C6orf52: variants seen among roughly 807,000 people sequenced by gnomAD.
The protein encoded by C6orf52 is chromosome 6 open reading frame 52.
In C6orf52, 16 loss-of-function variants were observed where a neutral mutation model predicts 16.6. The ratio of observed to expected loss-of-function variants is 0.96; its 90% CI spans 0.65 to 1.46. C6orf52 has a LOEUF of 1.46. C6orf52 is among the 40% of genes most tolerant of loss of function. The pLI is 0.00. For synonymous variants in C6orf52, 53 were observed against 61.4 expected (o/e 0.86, Z 0.64); for missense variants, 166 against 182.3 (o/e 0.91, Z 0.52).
At chr6:10,687,406 G>C (rs1322196860) in intron 2 of C6orf52, 74 bp downstream of exon 2, 2 of 1,118,124 alleles carry the variant, frequency 1.8e-6, no homozygotes, top group Non-Finnish European at 2.6e-6. Context: ...GCCATAGTTT[G>C]TAAGTTACCA....
chr6:10,671,662 T>A, intron 4 of C6orf52, 64 bp from the exon 5 acceptor site: 3 of 1,118,154 alleles, frequency 2.7e-6, no homozygotes, highest in Non-Finnish European at 3.7e-6. Flanking sequence ...TAGAAATAGT[T>A]TAAAATTAGA....
intron 4 of C6orf52, chr6:10,674,881 C>A: frequency 6.6e-6 from 1 of 151,236 alleles, no homozygotes; most frequent in Non-Finnish European, 1.5e-5. Context: ...GCGATCTCAG[C>A]TGACTGCAAC....
At chr6:10,672,887 CT>C (rs1174969747) in intron 4 of C6orf52, among the ~76,000 whole-genome samples, 1 of 152,104 alleles carries the variant, frequency 6.6e-6, no homozygotes, top group Non-Finnish European at 1.5e-5. Context: ...TACAGTAGCC[CT>C]AGAAGACTAA....
At chr6:10,680,298 T>A (rs185123973) in intron 4 of C6orf52, among the ~76,000 whole-genome samples, 10 of 151,614 alleles carry the variant, frequency 6.6e-5, no homozygotes, top group Non-Finnish European at 1.5e-4. Flanking sequence ...ATTCTGTTGA[T>A]GGGATAATGG....
At chr6:10,692,334 T>C (rs1399953943) in intron 1 of C6orf52, among the ~76,000 whole-genome samples, 2 of 152,330 alleles carry the variant, frequency 1.3e-5, no homozygotes, top group South Asian at 2.1e-4. Flanking sequence ...CCTCTAATCT[T>C]AGTGGTTCTC....
chr6:10,672,671 G>A (rs1767536962), intron 4 of C6orf52: 1 of 669,448 alleles, frequency 1.5e-6, no homozygotes. Context: ...TTTAAAAAAA[G>A]AGCAGAGAAC....
chr6:10,687,208 A>C (rs764550736), intron 2 of C6orf52, 44 bp from the exon 3 acceptor site: 52 of 1,342,408 alleles, frequency 3.9e-5, no homozygotes, highest in Non-Finnish European at 5.0e-5. Flanking sequence ...AATCATCCAC[A>C]AACCCCCAAA....
At position 10,694,600 on chromosome 6, in the gene C6orf52, GCAACCGGC is replaced by G; in HGVS notation, c.-126_-119del. 1 of 173,900 alleles carries G rather than the reference GCAACCGGC, an allele frequency of 5.8e-6. No individual in the cohort carries two copies. Among genetic ancestry groups the G allele is most frequent in the East Asian group, 1.6e-4 (1 of 6,206 alleles). The allele number at this position is 173,900 out of a possible 1,614,324, so 10.8% of individuals were successfully genotyped here. On this transcript the variant is annotated 5_prime_UTR_variant, in exon 1 of 5. Coordinates refer to ENST00000259983, the MANE Select transcript of C6orf52 (RefSeq NM_001145020.3). ...ACGCTGCCGGCGCTACAGCCCCTAA[GCAACCGGC>G]CGGAAGTCGGCCCCACCTCCTCCTG... is the stretch of plus-strand genomic sequence containing the variant.
intron 1 of C6orf52, among the ~76,000 whole-genome samples, chr6:10,691,833 G>T (rs1442370990): frequency 1.3e-5 from 2 of 151,850 alleles, no homozygotes; most frequent in African/African-American, 4.8e-5. Context: ...TAAGTTTTGG[G>T]GTTTTTTTTT....
At chr6:10,678,302 TTG>T (rs749583047) in intron 4 of C6orf52, among the ~76,000 whole-genome samples, 2 of 152,210 alleles carry the variant, frequency 1.3e-5, no homozygotes, top group Non-Finnish European at 2.9e-5. Flanking sequence ...GAGATATCTT[TTG>T]TGTCTTCAGT....
chr6:10,673,340 A>G (rs1767590378), intron 4 of C6orf52, among the ~76,000 whole-genome samples: 1 of 152,234 alleles, frequency 6.6e-6, no homozygotes, highest in South Asian at 2.1e-4. Flanking sequence ...AGTGATGTTG[A>G]TCAAAACTAT....
At chr6:10,680,558 G>A (rs533650191) in intron 4 of C6orf52, among the ~76,000 whole-genome samples, 5 of 152,090 alleles carry the variant, frequency 3.3e-5, no homozygotes, top group African/African-American at 1.2e-4. Flanking sequence ...TTTCGTCTTC[G>A]ATTTTTTGGA....
chr6:10,694,730 G>A (rs538446324), upstream of C6orf52: 5 of 385,394 alleles, frequency 1.3e-5, no homozygotes, highest in South Asian at 1.4e-4. Context: ...GCTTGCCCCC[G>A]ATTTTTTTCT....
At chr6:10,672,168 G>C (rs1306452215) in intron 4 of C6orf52, among the ~76,000 whole-genome samples, 1 of 152,196 alleles carries the variant, frequency 6.6e-6, no homozygotes, top group Non-Finnish European at 1.5e-5. Flanking sequence ...TTCTGCCCAA[G>C]TTGTCAGGTT....
At chr6:10,677,881 G>T (rs1198790987) in intron 4 of C6orf52, among the ~76,000 whole-genome samples, 1 of 151,800 alleles carries the variant, frequency 6.6e-6, no homozygotes, top group African/African-American at 2.4e-5. Context: ...TTTTGATAGA[G>T]AGTACATTGA....
intron 1 of C6orf52, among the ~76,000 whole-genome samples, chr6:10,690,336 G>C (rs991015082): frequency 1.3e-5 from 2 of 152,080 alleles, no homozygotes; most frequent in African/African-American, 4.8e-5. Flanking sequence ...TTCTATTGGG[G>C]CACACTACTG....
Position 10,687,666 on chromosome 6 carries a change from G to C in C6orf52, c.-11-105C>G, listed in dbSNP as rs1367024695. 24 of 711,082 alleles carry C rather than the reference G, an allele frequency of 3.4e-5. No homozygotes were observed. In the East Asian group the frequency reaches 5.4e-4, roughly 16 times the overall value. 44.0% of individuals were successfully genotyped at this position (711,082 alleles called of 1,614,324 possible). A position where few individuals can be genotyped will look rare whatever the true frequency, so the allele number is the denominator to read the frequency against. On this transcript the variant is annotated intron_variant, in intron 1 of 4. Transcript: ENST00000259983. ...ACAAATAAGTCTCGCAACTACATCT[G>C]AGATAATTACATTTAGTGGCAATTC...
intron 2 of C6orf52, 28 bp from the exon 3 acceptor site, chr6:10,687,192 A>T (rs1181477999): frequency 1.4e-6 from 2 of 1,471,450 alleles, no homozygotes; most frequent in Non-Finnish European, 1.8e-6. Flanking sequence ...ATCACAACCA[A>T]CGCAGAATCA....
chr6:10,671,705 C>T, intron 4 of C6orf52, 107 bp from the exon 5 acceptor site: 1 of 631,562 alleles, frequency 1.6e-6, no homozygotes. Flanking sequence ...GGAAGTACTG[C>T]AGATAGTAAA....
Sources: allele counts gnomAD v4.1 joint callset (sites outside exome capture counted in the v4.1 genomes callset), GRCh38; gene constraint gnomAD v4.1.1; transcripts MANE v1.5; gene names NCBI Gene and HGNC (gene_info 2026-07-23, HGNC 2026-07-21).